The following PAK1 variants were observed in gnomAD, a reference collection of about 807,000 sequenced individuals.
PAK1 encodes serine/threonine-protein kinase PAK 1.
PAK1 carries 29 observed loss-of-function variants against 67.4 expected under a neutral mutation model. The ratio of observed to expected loss-of-function variants is 0.43; its 90% confidence interval spans 0.32 to 0.59. The LOEUF (loss-of-function observed/expected upper bound fraction) is 0.59. Among genes scored for constraint, PAK1 ranks in the 20% least tolerant of loss-of-function variants. The pLI is 0.07. For synonymous variants in PAK1, 223 were observed against 237.4 expected (o/e 0.94, Z 0.56); for missense variants, 337 against 670.7 (o/e 0.50, Z 5.50).
the PAK1 span, among the ~76,000 whole-genome samples, chr11:77,507,363 C>A: frequency 1.3e-5 from 2 of 152,162 alleles, no homozygotes; most frequent in Non-Finnish European, 2.9e-5. Flanking sequence ...AGCAAGGGGA[C>A]ACTCAGATTT....
chr11:77,483,002 G>C, the PAK1 span, among the ~76,000 whole-genome samples: 1 of 152,110 alleles, frequency 6.6e-6, no homozygotes, highest in African/African-American at 2.4e-5. Context: ...TTCAAGACCA[G>C]ACTGGCCAAT....
intron 1 of PAK1, among the ~76,000 whole-genome samples, chr11:77,456,351 A>C (rs1003508575): frequency 2.6e-5 from 4 of 152,214 alleles, no homozygotes; most frequent in African/African-American, 9.6e-5. Context: ...AGTAAAGGAA[A>C]AAAAAAGATT....
intron 1 of PAK1, among the ~76,000 whole-genome samples, chr11:77,414,223 T>C (rs1482515303): frequency 1.3e-5 from 2 of 152,258 alleles, no homozygotes; most frequent in Non-Finnish European, 2.9e-5. Context: ...CCAGTTCTTT[T>C]AGTCGTTTGT....
At chr11:77,501,641 G>T in the PAK1 span, among the ~76,000 whole-genome samples, 1 of 152,162 alleles carries the variant, frequency 6.6e-6, no homozygotes, top group African/African-American at 2.4e-5. Context: ...TTTGGTGAGT[G>T]AAAGACTCTT....
chr11:77,472,633 T>A (rs1378839186), intron 1 of PAK1, among the ~76,000 whole-genome samples: 1 of 152,246 alleles, frequency 6.6e-6, no homozygotes, highest in African/African-American at 2.4e-5. Flanking sequence ...GTATCTGTAC[T>A]GATAATTCCT....
chr11:77,462,099 G>A (rs990480017), intron 1 of PAK1, among the ~76,000 whole-genome samples: 1 of 152,134 alleles, frequency 6.6e-6, no homozygotes, highest in African/African-American at 2.4e-5. Flanking sequence ...GGCCGAAGCG[G>A]GTGGATCACA....
chr11:77,345,569 T>C lies in PAK1; in HGVS notation c.886-1638A>G, dbSNP rs1443499708. On this transcript the variant is annotated intron_variant, in intron 9 of 14. Transcript: ENST00000356341. ...CTCTATTATTTCTTCAAGTCAAGAA[T>C]GGACAGTCTCTTGCAGAGACCAGGT... Among the ~76,000 whole-genome samples the C allele has an allele frequency of 3.3e-5, 5 of 152,174 alleles. No individual in the cohort carries two copies. The East Asian group carries it at 9.6e-4, about 29-fold the overall frequency.
At chr11:77,345,813 A>C (rs2136316144) in intron 9 of PAK1, among the ~76,000 whole-genome samples, 1 of 152,318 alleles carries the variant, frequency 6.6e-6, no homozygotes, top group Middle Eastern at 3.4e-3. Context: ...TATAACGCAC[A>C]TTAAGGACTG....
rs965437819 is a variant in PAK1 at position 77,356,515 on chromosome 11, T to C, written c.598-673A>G. On this transcript the variant is annotated intron_variant, in intron 6 of 14. Coordinates refer to ENST00000356341, the MANE Select transcript of PAK1 (RefSeq NM_002576.5). ...ACTCTTATTATTCTTACCTTCTGCA[T>C]GACTTTGGGCAGGTTACTTAACTTC... Among the ~76,000 whole-genome samples, 33 of 152,338 alleles carry C rather than the reference T, an allele frequency of 2.2e-4. 1 individual carries two copies. The highest frequency in any genetic ancestry group is 7.7e-4 in the African/African-American group (32 of 41,582).
intron 14 of PAK1, among the ~76,000 whole-genome samples, chr11:77,329,680 C>T (rs1222095549): frequency 6.6e-6 from 1 of 152,014 alleles, no homozygotes; most frequent in Non-Finnish European, 1.5e-5. Flanking sequence ...CAATATCATA[C>T]TGAATGGGCA....
intron 1 of PAK1, among the ~76,000 whole-genome samples, chr11:77,456,988 G>A (rs992245301): frequency 2.6e-5 from 4 of 152,208 alleles, no homozygotes; most frequent in Non-Finnish European, 4.4e-5. Context: ...TGATCCGCCC[G>A]CCTCGGCCTC....
rs111862227 is a variant in PAK1, at chr11:77,347,390, T to C, written c.885+1849A>G. ...TCAAAGATTCTAATCCAGTCCCTGG[T>C]AATTGCTGACAGTACAACTTTGCAA... On this transcript the variant is annotated intron_variant, in intron 9 of 14. Transcript: ENST00000356341. Among the ~76,000 whole-genome samples the C allele has an allele frequency of 5.8e-3, 888 of 152,272 alleles. 6 individuals carry two copies. Among genetic ancestry groups the C allele is most frequent in the Middle Eastern group, 0.034 (10 of 294 alleles).
intron 1 of PAK1, among the ~76,000 whole-genome samples, chr11:77,393,970 T>A (rs2137485518): frequency 6.6e-6 from 1 of 152,250 alleles, no homozygotes; most frequent in South Asian, 2.1e-4. Context: ...ACCACTGTAC[T>A]CCAGCCTGGG....
chr11:77,324,750 TAC>T lies in PAK1; in HGVS notation c.1552-1392_1552-1391del, dbSNP rs142981945. 4.3e-3 allele frequency among the ~76,000 whole-genome samples: 599 copies of T among 140,734 alleles called. 3 individuals carry two copies. The highest frequency in any genetic ancestry group is 0.015 in the African/African-American group (499 of 33,850). The allele number at this position is 140,734 out of a possible 152,430, so 92.3% of individuals were successfully genotyped here. On this transcript the variant is annotated intron_variant, in intron 14 of 14. Coordinates refer to ENST00000356341, the MANE Select transcript of PAK1 (RefSeq NM_002576.5). ...TGATTAGTCATATTGTATATATGTA[TAC>T]ACACACACACACACACACACACACA...
rs532730322 is a variant in PAK1 at position 77,344,367 on chromosome 11, G to T, written c.886-436C>A. Among the ~76,000 whole-genome samples, 6 of 152,288 alleles carry T rather than the reference G, an allele frequency of 3.9e-5. No homozygotes were observed. The East Asian group carries it at 1.2e-3, about 29-fold the overall frequency. On this transcript the variant is annotated intron_variant, in intron 9 of 14. Coordinates refer to ENST00000356341, the MANE Select transcript of PAK1 (RefSeq NM_002576.5). The stretch of plus-strand genomic sequence containing the variant: ...CCAAGAATGCTTTCAATCTGGCTAG[G>T]TATAGAGGCTTCATAAAGGGGGAAG...
chr11:77,480,315 A>C, the PAK1 span, among the ~76,000 whole-genome samples: 3 of 152,146 alleles, frequency 2.0e-5, no homozygotes, highest in East Asian at 5.8e-4. Flanking sequence ...TACTTTAATG[A>C]GTATAAAGTA....
intron 1 of PAK1, among the ~76,000 whole-genome samples, chr11:77,399,889 A>C (rs1952425926): frequency 6.8e-6 from 1 of 147,058 alleles, no homozygotes; most frequent in African/African-American, 2.5e-5. Context: ...AAAAAAAAGA[A>C]ATAAGATTAA....
At chr11:77,381,170 TGTGTGTAG>T (rs1268865634) in intron 2 of PAK1, among the ~76,000 whole-genome samples, 4 of 134,434 alleles carry the variant, frequency 3.0e-5, no homozygotes, top group Middle Eastern at 3.4e-3. Flanking sequence ...TGTGTGTGTG[TGTGTGTAG>T]AGAGAGAGAG....
At chr11:77,405,949 A>G (rs1953489222) in intron 1 of PAK1, among the ~76,000 whole-genome samples, 1 of 152,206 alleles carries the variant, frequency 6.6e-6, no homozygotes, top group African/African-American at 2.4e-5. Context: ...TCTTGGCAGC[A>G]TTAAACGCAA....
Sources: gnomAD v4.1 joint callset for allele counts (sites outside exome capture counted in the v4.1 genomes callset) on GRCh38, gnomAD v4.1.1 for gene constraint, MANE v1.5 for transcripts, NCBI Gene and HGNC (gene_info 2026-07-23, HGNC 2026-07-21) for gene names.